SEMA3A: variants seen among roughly 807,000 people sequenced by gnomAD.
SEMA3A encodes the protein semaphorin 3A.
A neutral mutation model predicts 97.9 loss-of-function variants in SEMA3A; 29 were observed. The observed-to-expected ratio is 0.30, with a 90% CI of 0.22 to 0.40. The LOEUF (loss-of-function observed/expected upper bound fraction) is 0.40. Among genes scored for constraint, SEMA3A ranks in the 10% least tolerant of loss-of-function variants. The pLI, the probability that SEMA3A is intolerant of heterozygous loss-of-function variation, is 1.00. For synonymous variants in SEMA3A, 321 were observed against 323.7 expected, an observed-to-expected ratio of 0.99 and a Z score of 0.09; for missense variants, 763 against 951.3, an observed-to-expected ratio of 0.80 and a Z score of 2.60.
intron 4 of SEMA3A, among the ~76,000 whole-genome samples, chr7:84,103,010 C>T (rs2080115294): frequency 6.6e-6 from 1 of 151,816 alleles, no homozygotes; most frequent in South Asian, 2.1e-4. Flanking sequence ...AATTAAGTAC[C>T]AGCAAAATTG....
intron 1 of SEMA3A, among the ~76,000 whole-genome samples, chr7:84,142,972 A>G (rs1364117779): frequency 2.0e-5 from 3 of 148,744 alleles, no homozygotes; most frequent in Admixed American, 1.3e-4. Context: ...TGCAAGCCAG[A>G]CCCTTCTTCA....
intron 2 of SEMA3A, among the ~76,000 whole-genome samples, chr7:84,352,991 G>T (rs181685788): frequency 6.5e-4 from 99 of 151,886 alleles, no homozygotes; most frequent in Non-Finnish European, 3.7e-4. Flanking sequence ...ATGAGGGATT[G>T]GTTCAGGACT....
intron 1 of SEMA3A, among the ~76,000 whole-genome samples, chr7:84,488,029 T>TATA (rs1226876653): frequency 2.6e-5 from 4 of 152,062 alleles, no homozygotes; most frequent in Non-Finnish European, 5.9e-5. Context: ...GTTTAATAAT[T>TATA]ATAATAATAT....
intron 1 of SEMA3A, among the ~76,000 whole-genome samples, chr7:84,450,325 T>C (rs1805524499): frequency 6.6e-6 from 1 of 152,152 alleles, no homozygotes; most frequent in Non-Finnish European, 1.5e-5. Context: ...TCTTCCACTC[T>C]TGCGTGCAAT....
At position 84,166,881 on chromosome 7, in the gene SEMA3A, C is replaced by CA. The variant is rs11476617; in HGVS notation, c.112+27593dup. On this transcript the variant is annotated intron_variant, in intron 1 of 16. Transcript: ENST00000265362. Reference sequence around the variant, plus strand: ...CAGAGTGAAACTCTGTCCTCTGTCTCAAAAAAAAAAAAAAAAAAAAAGAAG... The same window carrying CA: ...CAGAGTGAAACTCTGTCCTCTGTCTCAAAAAAAAAAAAAAAAAAAAAAGAAG... Among the ~76,000 whole-genome samples, 512 of 85,492 alleles carry CA rather than the reference C, an allele frequency of 6.0e-3. 5 individuals are homozygous for CA. Among genetic ancestry groups the CA allele is most frequent in the African/African-American group, 0.022 (487 of 21,778 alleles). The allele number at this position is 85,492 out of a possible 152,430, so 56.1% of individuals were successfully genotyped here. A position where few individuals can be genotyped will look rare whatever the true frequency, so the allele number is the denominator to read the frequency against.
In SEMA3A at chr7:84,437,572, T is replaced by A. The variant is rs1805168429; in HGVS notation, c.-246+54888A>T. Among the ~76,000 whole-genome samples, 6 of 151,838 alleles carry A rather than the reference T, an allele frequency of 4.0e-5. No homozygotes were observed. In the South Asian group the frequency reaches 1.2e-3, roughly 31 times the overall value. On this transcript the variant is annotated intron_variant, in intron 1 of 3. Transcript: ENST00000424555. ...TTGACTTTCTAATGCTGGCTTTTTT[T>A]TTTTTTTAAGTAAAAGAGGAAAAAG...
chr7:84,457,186 G>A (rs1228966), intron 1 of SEMA3A, among the ~76,000 whole-genome samples: 26,679 of 151,476 alleles, frequency 0.18, 2,485 homozygotes, highest in Middle Eastern at 0.23. Context: ...TGGATGAATA[G>A]GAAAAATGGC....
intron 1 of SEMA3A, among the ~76,000 whole-genome samples, chr7:84,401,012 C>T (rs1051698562): frequency 6.6e-6 from 1 of 150,780 alleles, no homozygotes; most frequent in Admixed American, 6.6e-5. Flanking sequence ...TACTAGAAGT[C>T]CTAGCAAGAG....
At chr7:84,399,640 C>G (rs185890300) in intron 1 of SEMA3A, among the ~76,000 whole-genome samples, 2 of 152,330 alleles carry the variant, frequency 1.3e-5, no homozygotes, top group Non-Finnish European at 1.5e-5. Flanking sequence ...GTCATTATTA[C>G]TAGGTCATTG....
chr7:84,189,898 C>T (rs1438006256), intron 1 of SEMA3A, among the ~76,000 whole-genome samples: 1 of 151,282 alleles, frequency 6.6e-6, no homozygotes, highest in Non-Finnish European at 1.5e-5. Flanking sequence ...TATCACAGAT[C>T]AATATATCTG....
intron 1 of SEMA3A, among the ~76,000 whole-genome samples, chr7:84,393,513 C>T (rs998266219): frequency 4.6e-5 from 7 of 152,078 alleles, no homozygotes; most frequent in Admixed American, 2.0e-4. Context: ...GGTAATGGAA[C>T]AGAATACAGA....
At chr7:83,994,221 A>T (rs1790102150) in intron 12 of SEMA3A, among the ~76,000 whole-genome samples, 1 of 94,340 alleles carries the variant, frequency 1.1e-5, no homozygotes, top group Non-Finnish European at 2.1e-5. Context: ...ATTCTTCTAA[A>T]TTTTTTGCAA....
chr7:84,368,047 TA>T (rs1457659967), intron 2 of SEMA3A, among the ~76,000 whole-genome samples: 1 of 150,868 alleles, frequency 6.6e-6, no homozygotes, highest in Non-Finnish European at 1.5e-5. Context: ...AACTTGAGTA[TA>T]TAAGTGAGCA....
chr7:84,164,786 T>C (rs1198269592), intron 1 of SEMA3A, among the ~76,000 whole-genome samples: 8 of 152,106 alleles, frequency 5.3e-5, no homozygotes, highest in Non-Finnish European at 8.8e-5. Context: ...AATCAGAAAA[T>C]AGTTCTTAAC....
chr7:84,434,986 T>C (rs1805087246), intron 1 of SEMA3A, among the ~76,000 whole-genome samples: 1 of 152,160 alleles, frequency 6.6e-6, no homozygotes, highest in Non-Finnish European at 1.5e-5. Context: ...CTATTTAACA[T>C]AGTACTGAAA....
At chr7:84,267,917 G>A (rs1800045783) in intron 3 of SEMA3A, among the ~76,000 whole-genome samples, 1 of 151,998 alleles carries the variant, frequency 6.6e-6, no homozygotes, top group African/African-American at 2.4e-5. Context: ...ATGATTAACA[G>A]CCAGCTTGGT....
upstream of SEMA3A, among the ~76,000 whole-genome samples, chr7:84,199,577 T>C (rs74669759): frequency 1.3e-5 from 2 of 151,836 alleles, no homozygotes; most frequent in African/African-American, 4.8e-5. Context: ...TTTTTTTTTT[T>C]CTTCAAGGAA....
chr7:84,332,743 AT>A (rs1426092351), intron 2 of SEMA3A, among the ~76,000 whole-genome samples: 1 of 152,070 alleles, frequency 6.6e-6, no homozygotes, highest in Non-Finnish European at 1.5e-5. Flanking sequence ...AGAAGAAAAA[AT>A]AATTTATTTT....
intron 1 of SEMA3A, among the ~76,000 whole-genome samples, chr7:84,383,178 A>C (rs1275754705): frequency 6.6e-6 from 1 of 152,146 alleles, no homozygotes; most frequent in Non-Finnish European, 1.5e-5. Context: ...ACTGGAGAAA[A>C]CCAAGTTACT....
Sources: gnomAD v4.1 joint callset for allele counts (sites outside exome capture counted in the v4.1 genomes callset) on GRCh38, gnomAD v4.1.1 for gene constraint, MANE v1.5 for transcripts, NCBI Gene and HGNC (gene_info 2026-07-23, HGNC 2026-07-21) for gene names.